The following ROBO1 variants were observed in gnomAD, a reference collection of about 807,000 sequenced individuals.
The protein encoded by ROBO1 is roundabout guidance receptor 1.
Under a neutral mutation model 195.9 loss-of-function variants are expected in ROBO1, and 149 were observed. That is an observed-to-expected ratio of 0.76 (90% CI 0.67 to 0.87). The LOEUF (loss-of-function observed/expected upper bound fraction) is 0.87, where lower values mean the gene tolerates loss of function less well. Ranked by LOEUF, ROBO1 falls within the 40% of genes least tolerant of loss-of-function variation. The probability of loss-of-function intolerance (pLI) is 0.00; values close to 1 mark genes in which losing one functional copy is unlikely to be tolerated. For synonymous variants in ROBO1, 816 were observed against 733.2 expected, an observed-to-expected ratio of 1.11 and a Z score of -1.82; for missense variants, 1,933 against 2,068.3, an observed-to-expected ratio of 0.93 and a Z score of 1.27.
At chr3:79,473,337 T>G in intron 2 of ROBO1, among the ~76,000 whole-genome samples, 1 of 152,076 alleles carries the variant, frequency 6.6e-6, no homozygotes, top group Non-Finnish European at 1.5e-5. Flanking sequence ...GAGAGAGCCA[T>G]GAAGTAAATT....
intron 26 of ROBO1, among the ~76,000 whole-genome samples, chr3:78,622,187 T>A (rs1258904535): frequency 6.6e-6 from 1 of 152,140 alleles, no homozygotes; most frequent in African/African-American, 2.4e-5. Flanking sequence ...TTACCCAGTT[T>A]TAGACAAAAA....
intron 2 of ROBO1, among the ~76,000 whole-genome samples, chr3:79,162,365 A>G (rs2108667738): frequency 6.6e-6 from 1 of 152,244 alleles, no homozygotes; most frequent in Admixed American, 6.5e-5. Flanking sequence ...TTAGAATGAA[A>G]CTGAAAGCTA....
chr3:79,255,233 G>T (rs1185591494), intron 2 of ROBO1, among the ~76,000 whole-genome samples: 8 of 152,142 alleles, frequency 5.3e-5, no homozygotes, highest in Admixed American at 5.2e-4. Context: ...TGGCACACCT[G>T]TAGTCCCAGC....
chr3:78,761,378 A>C (rs1263208346), intron 4 of ROBO1, among the ~76,000 whole-genome samples: 5 of 152,164 alleles, frequency 3.3e-5, no homozygotes, highest in African/African-American at 1.2e-4. Flanking sequence ...ACATTAAAAA[A>C]AATAAACTAA....
intron 4 of ROBO1, among the ~76,000 whole-genome samples, chr3:78,857,849 C>T (rs889603536): frequency 5.3e-5 from 8 of 152,118 alleles, no homozygotes; most frequent in East Asian, 1.9e-4. Flanking sequence ...TGGTTAAGGG[C>T]GACCCTTTTT....
chr3:78,971,321 G>A (rs867076900), intron 3 of ROBO1, among the ~76,000 whole-genome samples: 8 of 151,760 alleles, frequency 5.3e-5, no homozygotes, highest in Non-Finnish European at 8.8e-5. Context: ...CCCGGGAGGC[G>A]GAGGTTGCAG....
At chr3:78,834,645 C>T (rs2032535421) in intron 4 of ROBO1, among the ~76,000 whole-genome samples, 1 of 151,630 alleles carries the variant, frequency 6.6e-6, no homozygotes, top group African/African-American at 2.4e-5. Context: ...AAATATAAAC[C>T]AAGTTTAAAA....
intron 2 of ROBO1, among the ~76,000 whole-genome samples, chr3:79,495,754 T>A (rs915536619): frequency 3.9e-5 from 6 of 152,182 alleles, no homozygotes; most frequent in African/African-American, 1.4e-4. Flanking sequence ...TCTTTCTGTA[T>A]CTCTTTTTCC....
At position 78,635,961 on chromosome 3, in the gene ROBO1, C is replaced by T. The variant is rs770855014; in HGVS notation, c.3185G>A (p.Arg1062His). ...TFNSPNLKDG[R>H]FVNPSGQPTP... ...AGGCTGCCCTGATGGATTGACAAAA[C>T]GCCCATCCTTCAGATTTGGGCTATT... The change falls in exon 23 of 31, where the codon CGT becomes CAT. Residue 1062 changes from arginine to histidine, a missense_variant. Transcript: ENST00000464233. The T allele has an allele frequency of 1.3e-5, 21 of 1,613,888 alleles. No homozygotes were observed. The highest frequency in any genetic ancestry group is 2.7e-5 in the African/African-American group (2 of 75,034).
intron 3 of ROBO1, among the ~76,000 whole-genome samples, chr3:79,095,783 C>G (rs148196580): frequency 3.3e-5 from 5 of 152,136 alleles, no homozygotes; most frequent in African/African-American, 7.2e-5. Flanking sequence ...AATACCCACA[C>G]AGCATAATTA....
intron 2 of ROBO1, among the ~76,000 whole-genome samples, chr3:79,329,002 G>A (rs1319420938): frequency 3.3e-5 from 5 of 152,070 alleles, no homozygotes; most frequent in South Asian, 2.1e-4. Flanking sequence ...AAAGACATCC[G>A]GTACAATTTT....
At chr3:79,148,587 T>A (rs1263296467) in intron 2 of ROBO1, among the ~76,000 whole-genome samples, 1 of 151,744 alleles carries the variant, frequency 6.6e-6, no homozygotes, top group African/African-American at 2.4e-5. Flanking sequence ...AATTTTTGAG[T>A]TGAGTTCAAT....
chr3:79,581,710 C>CCA (rs773114391), intron 2 of ROBO1, among the ~76,000 whole-genome samples: 2 of 151,940 alleles, frequency 1.3e-5, no homozygotes, highest in Non-Finnish European at 2.9e-5. Flanking sequence ...ATTTGTAATA[C>CCA]CACACACAAA....
chr3:78,676,174 A>G (rs751326766), intron 10 of ROBO1, among the ~76,000 whole-genome samples: 5 of 152,220 alleles, frequency 3.3e-5, no homozygotes, highest in South Asian at 2.1e-4. Context: ...AAACCCATCT[A>G]TACATCACCA....
chr3:79,296,986 T>C (rs556878990), intron 2 of ROBO1, among the ~76,000 whole-genome samples: 2 of 152,308 alleles, frequency 1.3e-5, no homozygotes, highest in African/African-American at 4.8e-5. Context: ...TGTTACAATT[T>C]TTGAAAGCAA....
At chr3:79,533,215 AT>A (rs1231598224) in intron 2 of ROBO1, 3 of 192,172 alleles carry the variant, frequency 1.6e-5, no homozygotes, top group Admixed American at 6.1e-5. Context: ...GACTACACTA[AT>A]GGTTTCTCCT....
chr3:78,912,664 T>C (rs1481879511), intron 4 of ROBO1, among the ~76,000 whole-genome samples: 1 of 152,112 alleles, frequency 6.6e-6, no homozygotes, highest in Non-Finnish European at 1.5e-5. Flanking sequence ...CAATTTTAGC[T>C]AAATAGTGAA....
chr3:78,721,945 C>A (rs2082054688), intron 5 of ROBO1, among the ~76,000 whole-genome samples: 1 of 152,008 alleles, frequency 6.6e-6, no homozygotes, highest in South Asian at 2.1e-4. Flanking sequence ...GTAATGAGGG[C>A]ACTGCCAGGA....
At chr3:79,174,041 G>A (rs1045586144) in intron 2 of ROBO1, among the ~76,000 whole-genome samples, 2 of 152,080 alleles carry the variant, frequency 1.3e-5, no homozygotes, top group African/African-American at 2.4e-5. Context: ...TTGGCTGTCT[G>A]TAAAATGGAC....
Sources: allele counts gnomAD v4.1 joint callset (sites outside exome capture counted in the v4.1 genomes callset), GRCh38; gene constraint gnomAD v4.1.1; transcripts MANE v1.5; gene names NCBI Gene and HGNC (gene_info 2026-07-23, HGNC 2026-07-21).